Variants in MRPS6 observed in about 807,000 individuals in gnomAD.
The protein encoded by MRPS6 is small ribosomal subunit protein bS6m.
Under a neutral mutation model 13.1 loss-of-function variants are expected in MRPS6, and 6 were observed. The observed-to-expected ratio is 0.46, with a 90% confidence interval of 0.25 to 0.91. The LOEUF is 0.91. Ranked by LOEUF, MRPS6 falls within the 40% of genes least tolerant of loss-of-function variation. The pLI is 0.18. For missense variants in MRPS6, 164 were observed against 155.6 expected (o/e 1.05, Z -0.29); for synonymous variants, 61 against 56.5 (o/e 1.08, Z -0.36).
intron 1 of MRPS6, among the ~76,000 whole-genome samples, chr21:34,109,612 C>T (rs1022887078): frequency 3.3e-5 from 5 of 152,138 alleles, no homozygotes; most frequent in African/African-American, 1.2e-4. Context: ...ATATGCATCT[C>T]AGGATCCAAC....
At chr21:34,095,339 C>T (rs558788508) in intron 1 of MRPS6, 3 of 1,614,124 alleles carry the variant, frequency 1.9e-6, no homozygotes, top group South Asian at 2.2e-5. Context: ...GCTCTATGAC[C>T]TGGGTAGCAA....
At chr21:34,121,676 C>T (rs764912569) in intron 1 of MRPS6, among the ~76,000 whole-genome samples, 8 of 152,178 alleles carry the variant, frequency 5.3e-5, no homozygotes, top group Non-Finnish European at 1.0e-4. Context: ...TTGAGTGGTT[C>T]AGAGACTTTA....
chr21:34,103,161 T>A, intron 1 of MRPS6: 1 of 999,850 alleles, frequency 1.0e-6, no homozygotes, highest in Non-Finnish European at 1.2e-6. Context: ...GTATATATGG[T>A]ATTCCATAAT....
At chr21:34,129,387 C>G (rs569868093) in intron 2 of MRPS6, among the ~76,000 whole-genome samples, 9 of 152,194 alleles carry the variant, frequency 5.9e-5, no homozygotes, top group Non-Finnish European at 1.2e-4. Flanking sequence ...TGCTCTGTTT[C>G]TACCGGGTCT....
chr21:34,079,630 T>C (rs1989415421), intron 1 of MRPS6, among the ~76,000 whole-genome samples: 1 of 140,412 alleles, frequency 7.1e-6, no homozygotes, highest in Non-Finnish European at 1.6e-5. Context: ...TTTTTTTTTT[T>C]TTTAGTAGAG....
intron 1 of MRPS6, among the ~76,000 whole-genome samples, chr21:34,076,166 G>C (rs1989325879): frequency 1.3e-5 from 2 of 152,180 alleles, no homozygotes; most frequent in African/African-American, 4.8e-5. Flanking sequence ...AGAAACTATA[G>C]TTTTCCAGCC....
intron 1 of MRPS6, chr21:34,123,737 C>A (rs994808272): frequency 2.0e-5 from 3 of 152,100 alleles, no homozygotes; most frequent in Non-Finnish European, 2.9e-5. Flanking sequence ...GCTCAAGTTG[C>A]TTGTCCCTGG....
intron 1 of MRPS6, among the ~76,000 whole-genome samples, chr21:34,110,860 C>T (rs1265349372): frequency 6.6e-6 from 1 of 152,206 alleles, no homozygotes; most frequent in African/African-American, 2.4e-5. Context: ...CGCTAGAACT[C>T]ATGCCTGCAT....
intron 2 of MRPS6, among the ~76,000 whole-genome samples, chr21:34,131,309 T>C (rs1980494270): frequency 6.6e-6 from 1 of 152,204 alleles, no homozygotes; most frequent in African/African-American, 2.4e-5. Context: ...CTAGTTTGGC[T>C]GGGGAAGAAG....
intron 1 of MRPS6, chr21:34,097,672 A>C: frequency 1.9e-6 from 2 of 1,059,478 alleles, no homozygotes; most frequent in Non-Finnish European, 2.3e-6. Context: ...ACCATGAATT[A>C]AGGTATACTG....
intron 1 of MRPS6, among the ~76,000 whole-genome samples, chr21:34,086,680 T>C (rs1978401580): frequency 6.6e-6 from 1 of 152,216 alleles, no homozygotes; most frequent in Non-Finnish European, 1.5e-5. Context: ...CATTATCATG[T>C]CTGCCTCTTG....
rs1980183715 is a variant in MRPS6, at chr21:34,123,244, T to G, written c.46-2097T>G. 3.3e-5 allele frequency: 5 copies of G among 152,194 alleles called. No homozygotes were observed. In the South Asian group the frequency reaches 1.0e-3, roughly 31 times the overall value. 9.4% of individuals were successfully genotyped at this position (152,194 alleles called of 1,614,324 possible). A position where few individuals can be genotyped will look rare whatever the true frequency, so the allele number is the denominator to read the frequency against. On this transcript the variant is annotated intron_variant, in intron 1 of 2. Transcript: ENST00000399312. ...AATTTTAAAAATATAGTGGATTTTG[T>G]TTGGTTGCCAGAATGCACACTTAAA...
At chr21:34,086,781 ACTT>A (rs1436713785) in intron 1 of MRPS6, among the ~76,000 whole-genome samples, 2 of 150,838 alleles carry the variant, frequency 1.3e-5, no homozygotes, top group Non-Finnish European at 2.9e-5. Context: ...TACTAAGGTA[ACTT>A]CTTTAGTTTT....
intron 1 of MRPS6, chr21:34,104,086 T>G: frequency 1.0e-6 from 1 of 1,000,098 alleles, no homozygotes. Context: ...CTTTGATTTT[T>G]TTTGTGTACG....
intron 2 of MRPS6, chr21:34,135,920 TCTC>T (rs950622729): frequency 4.3e-6 from 2 of 462,668 alleles, no homozygotes; most frequent in African/African-American, 4.1e-5. Context: ...TTGGCATACT[TCTC>T]CTTCACTGCA....
intron 1 of MRPS6, among the ~76,000 whole-genome samples, chr21:34,119,513 T>C (rs1980047474): frequency 6.6e-6 from 1 of 152,234 alleles, no homozygotes; most frequent in Non-Finnish European, 1.5e-5. Context: ...TTGACAGTTC[T>C]GTGTCTTGGC....
chr21:34,120,357 G>A (rs1980076109), intron 1 of MRPS6, among the ~76,000 whole-genome samples: 1 of 152,122 alleles, frequency 6.6e-6, no homozygotes, highest in Non-Finnish European at 1.5e-5. Context: ...TCATACAGCT[G>A]TATATTTTTG....
rs369276690 is a variant in MRPS6, at chr21:34,125,458, A to G, written c.163A>G (p.Ser55Gly). ...RALPYRISAHSQQHNRGGYFL... is the reference protein window; with the variant it reads ...RALPYRISAHGQQHNRGGYFL... ...GCTTCCTTATAGGATCTCTGCCCACAGTCAGCAGCACAACAGAGGCGGGTA... is the reference window on the plus strand; with the variant it reads ...GCTTCCTTATAGGATCTCTGCCCACGGTCAGCAGCACAACAGAGGCGGGTA... The change falls in exon 2 of 3, where the codon AGT becomes GGT. Residue 55 changes from serine (S) to glycine (G), a missense_variant. Physicochemically the swap from Ser to Gly is moderately conservative, Grantham distance 56 (BLOSUM62 0). Transcript: ENST00000399312. 149 of 1,613,956 alleles carry G rather than the reference A, an allele frequency of 9.2e-5. No individual in the cohort carries two copies. Among genetic ancestry groups the G allele is most frequent in the Non-Finnish European group, 1.1e-4 (131 of 1,179,940 alleles).
intron 1 of MRPS6, among the ~76,000 whole-genome samples, chr21:34,111,063 A>G (rs1979677912): frequency 6.6e-6 from 1 of 152,228 alleles, no homozygotes; most frequent in Non-Finnish European, 1.5e-5. Flanking sequence ...GTGAGCTGAA[A>G]CAAGGGCGAA....
Sources: gnomAD v4.1 joint callset for allele counts (sites outside exome capture counted in the v4.1 genomes callset) on GRCh38, gnomAD v4.1.1 for gene constraint, MANE v1.5 for transcripts, NCBI Gene and HGNC (gene_info 2026-07-23, HGNC 2026-07-21) for gene names.